The following KRT24 variants were observed in gnomAD, a reference collection of about 807,000 sequenced individuals.
KRT24 encodes keratin 24.
Under a neutral mutation model 51.7 loss-of-function variants are expected in KRT24, and 44 were observed. The observed-to-expected ratio is 0.85, with a 90% CI of 0.67 to 1.09. The LOEUF is 1.09. Among genes scored for constraint, KRT24 ranks in the 50% least tolerant of loss-of-function variants. The pLI is 0.00. For synonymous variants in KRT24, 241 were observed against 249.5 expected (o/e 0.97, Z 0.32); for missense variants, 633 against 647.0 (o/e 0.98, Z 0.24).
chr17:40,702,974 C>A, intron 1 of KRT24, 105 bp downstream of exon 1: 1 of 1,242,204 alleles, frequency 8.1e-7, no homozygotes, highest in Non-Finnish European at 1.1e-6. Context: ...ATGTAACAAG[C>A]AAATATGTTT....
Position 40,699,469 on chromosome 17 carries a change from G to T in KRT24, c.1336C>A (p.Arg446Ser). The change falls in exon 6 of 8, where the codon CGC (arginine) becomes AGC (serine). Residue 446 changes from arginine to serine, a missense_variant. By Grantham distance (110) the Arg-to-Ser change is moderately radical. Transcript: ENST00000264651. ...TRLEVEIETY[R>S]RLLDGEGGGS... ...CCTCCCTCTCCATCGAGCAGGCGGC[G>T]GTAGGTCTCGATCTCCACCTCCAGG... The T allele has an allele frequency of 1.2e-6, 2 of 1,613,968 alleles. No homozygotes were observed. The highest frequency in any genetic ancestry group is 1.1e-5 in the South Asian group (1 of 91,078).
chr17:40,702,324 A>T (rs531739342), intron 1 of KRT24, among the ~76,000 whole-genome samples: 7 of 152,216 alleles, frequency 4.6e-5, no homozygotes, highest in African/African-American at 1.7e-4. Flanking sequence ...TACAGGTGTG[A>T]GCCACCGTGC....
chr17:40,700,406 A>G, intron 3 of KRT24, 23 bp from the exon 4 acceptor site: 1 of 1,586,566 alleles, frequency 6.3e-7, no homozygotes, highest in Non-Finnish European at 8.6e-7. Context: ...AAAAAAGACT[A>G]TCGTGATGCA....
Position 40,701,933 on chromosome 17 carries a change from T to C in KRT24, c.616A>G (p.Ile206Val). ...YSIIEDLRNQ[I>V]IAATVENAGI... The stretch of plus-strand genomic sequence containing the variant: ...GCATTTTCAACAGTGGCAGCAATGA[T>C]CTAAAAAAGATGTTAATAGTGAGTG... Residue 206 changes from isoleucine (I) to valine (V), a missense_variant and splice_region_variant, in exon 2 of 8, where the codon ATC becomes GTC. By Grantham distance (29) the Ile-to-Val change is conservative (BLOSUM62 3). Transcript: ENST00000264651. 1 of 1,524,510 alleles carries C rather than the reference T, an allele frequency of 6.6e-7. No homozygotes were observed. Among genetic ancestry groups the C allele is most frequent in the Non-Finnish European group, 8.9e-7 (1 of 1,120,494 alleles). 94.4% of individuals were successfully genotyped at this position (1,524,510 alleles called of 1,614,324 possible).
chr17:40,701,162 T>C lies in KRT24; in HGVS notation c.833A>G (p.Tyr278Cys). The change falls in exon 3 of 8, where the codon TAC (tyrosine) becomes TGC (cysteine). Residue 278 changes from tyrosine (Y) to cysteine (C), a missense_variant. By Grantham distance (194) the Tyr-to-Cys change is radical. Transcript: ENST00000264651. ...QIESFTEELAYLRKNHEEEMK... is the reference protein window; with the variant it reads ...QIESFTEELACLRKNHEEEMK... ...TACCTCCTCGTGGTTCTTCCTCAGGTAGGCTAGCTCCTCGGTGAAACTCTC... is the reference window on the plus strand; with the variant it reads ...TACCTCCTCGTGGTTCTTCCTCAGGCAGGCTAGCTCCTCGGTGAAACTCTC... 6.2e-7 allele frequency: 1 copy of C among 1,614,082 alleles called. No individual in the cohort carries two copies. The highest frequency in any genetic ancestry group is 8.5e-7 in the Non-Finnish European group (1 of 1,179,982).
chr17:40,698,658 A>G lies in KRT24; in HGVS notation c.1362-8T>C, dbSNP rs1166024032. ...TCTGCAAAACTAGAACCACTGGAGA[A>G]AAAAAGAATTATGTTTTCCTTTGCA... is the stretch of plus-strand genomic sequence containing the variant. On this transcript the variant is annotated splice_region_variant and splice_polypyrimidine_tract_variant and intron_variant, in intron 6 of 7. Transcript: ENST00000264651. 5.1e-6 allele frequency: 7 copies of G among 1,381,132 alleles called. No homozygotes were observed. The highest frequency in any genetic ancestry group is 7.2e-6 in the Non-Finnish European group (7 of 973,028). 85.6% of individuals were successfully genotyped at this position (1,381,132 alleles called of 1,614,324 possible). A position where few individuals can be genotyped will look rare whatever the true frequency, so the allele number is the denominator to read the frequency against.
rs201638603 is a variant in KRT24, at chr17:40,701,930, T to A, written c.619A>T (p.Ile207Phe). The A allele has an allele frequency of 1.3e-6, 2 of 1,532,846 alleles. No homozygotes were observed. The highest frequency in any genetic ancestry group is 1.8e-6 in the Non-Finnish European group (2 of 1,127,788). The allele number at this position is 1,532,846 out of a possible 1,614,324, so 95.0% of individuals were successfully genotyped here. Residue 207 changes from isoleucine to phenylalanine, a missense_variant, in exon 2 of 8, where the codon ATT (isoleucine) becomes TTT (phenylalanine). Ile to Phe is a conservative substitution (Grantham distance 21, BLOSUM62 0). Coordinates refer to ENST00000264651, the MANE Select transcript of KRT24 (RefSeq NM_019016.3). ...SIIEDLRNQI[I>F]AATVENAGII... Reference sequence around the variant, plus strand: ...CCAGCATTTTCAACAGTGGCAGCAATGATCTAAAAAAGATGTTAATAGTGA... The same window carrying A: ...CCAGCATTTTCAACAGTGGCAGCAAAGATCTAAAAAAGATGTTAATAGTGA...
intron 7 of KRT24, 25 bp downstream of exon 7, chr17:40,698,513 A>G: frequency 7.6e-7 from 1 of 1,323,800 alleles, no homozygotes; most frequent in Non-Finnish European, 1.1e-6. Context: ...TTACAGAACT[A>G]TTATCAATAT....
At chr17:40,701,011 C>T in intron 3 of KRT24, 129 bp downstream of exon 3, 1 of 826,702 alleles carries the variant, frequency 1.2e-6, no homozygotes, top group Non-Finnish European at 1.9e-6. Context: ...GATCCCCCTG[C>T]CTCGGCCTCC....
Position 40,703,074 on chromosome 17 carries a change from C to A in KRT24, c.615+5G>T. Reference sequence around the variant, plus strand: ...TAATAGAAACTCAGGCACAGATAGTCTCACCTGGTTTCTGAGATCTTCAAT... The same window carrying A: ...TAATAGAAACTCAGGCACAGATAGTATCACCTGGTTTCTGAGATCTTCAAT... On this transcript the variant is annotated splice_donor_5th_base_variant and intron_variant, in intron 1 of 7. Coordinates refer to ENST00000264651, the MANE Select transcript of KRT24 (RefSeq NM_019016.3). 6.3e-7 allele frequency: 1 copy of A among 1,581,952 alleles called. No individual in the cohort carries two copies. The highest frequency in any genetic ancestry group is 8.6e-7 in the Non-Finnish European group (1 of 1,165,578).
chr17:40,700,314 C>T lies in KRT24; in HGVS notation c.925G>A (p.Asp309Asn), dbSNP rs752704369. 9.3e-6 allele frequency: 15 copies of T among 1,613,930 alleles called. 1 individual carries two copies. In the Admixed American group the frequency reaches 1.8e-4, roughly 20 times the overall value. The change falls in exon 4 of 8, where the codon GAC becomes AAC. Residue 309 changes from aspartate to asparagine, a missense_variant. Asp to Asn is a conservative substitution (Grantham distance 23, BLOSUM62 1). Transcript: ENST00000264651. ...TVEMNAAPGT[D>N]LTKLLNDMRA... is the part of the protein sequence containing the mutation. ...ATGTCATTCAGTAATTTGGTCAGGT[C>T]GGTCCCTGGCGCAGCATTCATTTCT...
chr17:40,703,453 A>G lies in KRT24; in HGVS notation c.241T>C (p.Ser81Pro). 3.9e-6 allele frequency: 6 copies of G among 1,552,496 alleles called. No individual in the cohort carries two copies. The highest frequency in any genetic ancestry group is 5.3e-6 in the Non-Finnish European group (6 of 1,128,622). Residue 81 changes from serine to proline, a missense_variant, in exon 1 of 8, where the codon TCA becomes CCA. By Grantham distance (74) the Ser-to-Pro change is moderately conservative (BLOSUM62 -1). Coordinates refer to ENST00000264651, the MANE Select transcript of KRT24 (RefSeq NM_019016.3). Reference sequence around the variant, plus strand: ...CCACCAAATCCTGTCCCAGAGCCTGAAGCTCCCCCAAAACCACCCCCTACT... The same window carrying G: ...CCACCAAATCCTGTCCCAGAGCCTGGAGCTCCCCCAAAACCACCCCCTACT... ...CSVGGGFGGA[S>P]GSGTGFGGGS...
chr17:40,701,159 A>G lies in KRT24; in HGVS notation c.836T>C (p.Leu279Pro). Reference sequence around the variant, plus strand: ...TCCTACCTCCTCGTGGTTCTTCCTCAGGTAGGCTAGCTCCTCGGTGAAACT... The same window carrying G: ...TCCTACCTCCTCGTGGTTCTTCCTCGGGTAGGCTAGCTCCTCGGTGAAACT... ...IESFTEELAY[L>P]RKNHEEEMKN... The change falls in exon 3 of 8, where the codon CTG (leucine) becomes CCG (proline). Residue 279 changes from leucine to proline, a missense_variant. Coordinates refer to ENST00000264651, the MANE Select transcript of KRT24 (RefSeq NM_019016.3). 1.2e-6 allele frequency: 2 copies of G among 1,613,932 alleles called. No homozygotes were observed. The highest frequency in any genetic ancestry group is 1.7e-6 in the Non-Finnish European group (2 of 1,179,932).
chr17:40,698,221 T>C lies in KRT24; in HGVS notation c.*16A>G. 6.6e-7 allele frequency: 1 copy of C among 1,523,380 alleles called. No homozygotes were observed. The highest frequency in any genetic ancestry group is 1.4e-5 in the African/African-American group (1 of 73,158). The allele number at this position is 1,523,380 out of a possible 1,614,324, so 94.4% of individuals were successfully genotyped here. ...TTTTTTTCTTTGAAAGACACTTTTG[T>C]TGATCTGGAAGTTCCTTATTTAACT... On this transcript the variant is annotated 3_prime_UTR_variant, in exon 8 of 8. Coordinates refer to ENST00000264651, the MANE Select transcript of KRT24 (RefSeq NM_019016.3).
rs1042197912 is a variant in KRT24, at chr17:40,703,660, C to T, written c.34G>A (p.Ala12Thr). ...SCSSRASSSR[A>T]GGSSSARVSA... Reference sequence around the variant, plus strand: ...ACCCTGGCTGAGCTGCTGCCTCCAGCCCTGGAGGAGGAGGCGCGAGACGAG... The same window carrying T: ...ACCCTGGCTGAGCTGCTGCCTCCAGTCCTGGAGGAGGAGGCGCGAGACGAG... The change falls in exon 1 of 8, where the codon GCT (alanine) becomes ACT (threonine). Residue 12 changes from alanine (A) to threonine (T), a missense_variant. Physicochemically the swap from Ala to Thr is moderately conservative, Grantham distance 58. Coordinates refer to ENST00000264651, the MANE Select transcript of KRT24 (RefSeq NM_019016.3). 1.3e-6 allele frequency: 2 copies of T among 1,589,106 alleles called. No individual in the cohort carries two copies. Among genetic ancestry groups the T allele is most frequent in the South Asian group, 1.1e-5 (1 of 87,030 alleles).
At chr17:40,700,490 A>G in intron 3 of KRT24, 107 bp from the exon 4 acceptor site, 1 of 791,362 alleles carries the variant, frequency 1.3e-6, no homozygotes, top group East Asian at 2.5e-5. Context: ...AAAGGAAAAA[A>G]AAAAAATCAA....
chr17:40,699,912 T>G lies in KRT24; in HGVS notation c.1143+86A>C, dbSNP rs575592387. ...GTTCTCCTTAACACTGCCTTTTTTA[T>G]GTGCCTAGTGAACCTCTTGGCAAAG... On this transcript the variant is annotated intron_variant, in intron 5 of 7. Transcript: ENST00000264651. 4 of 1,540,838 alleles carry G rather than the reference T, an allele frequency of 2.6e-6. No individual in the cohort carries two copies. In the African/African-American group the frequency reaches 5.5e-5, roughly 21 times the overall value.
intron 3 of KRT24, 65 bp downstream of exon 3, chr17:40,701,075 A>G: frequency 5.2e-6 from 8 of 1,524,430 alleles, no homozygotes; most frequent in Non-Finnish European, 7.2e-6. Flanking sequence ...TTTTATTTGT[A>G]TAGAATGCAT....
At chr17:40,698,400 G>T (rs1327066561) in intron 7 of KRT24, 60 bp from the exon 8 acceptor site, 2 of 1,258,422 alleles carry the variant, frequency 1.6e-6, no homozygotes, top group African/African-American at 2.9e-5. Context: ...CAGAGCAAGA[G>T]AAATTCAATC....
Sources: allele counts gnomAD v4.1 joint callset (sites outside exome capture counted in the v4.1 genomes callset), GRCh38; gene constraint gnomAD v4.1.1; transcripts MANE v1.5; gene names NCBI Gene and HGNC (gene_info 2026-07-23, HGNC 2026-07-21).